The following STOX2 variants were observed in gnomAD, a reference collection of about 807,000 sequenced individuals.
The protein encoded by STOX2 is storkhead box 2, also known as storkhead-box protein 2.
STOX2 carries 28 observed loss-of-function variants against 60.9 expected under a neutral mutation model. That is an observed-to-expected ratio of 0.46 (90% CI 0.34 to 0.63). The LOEUF (loss-of-function observed/expected upper bound fraction) is 0.63. Ranked by LOEUF, STOX2 falls within the 30% of genes least tolerant of loss-of-function variation. STOX2 has a pLI of 0.01. For missense variants in STOX2, 1,024 were observed against 1,187.7 expected (o/e 0.86, Z 2.03); for synonymous variants, 472 against 463.9 (o/e 1.02, Z -0.22).
intron 1 of STOX2, among the ~76,000 whole-genome samples, chr4:183,956,438 T>TCATC (rs1491561035): frequency 8.1e-6 from 1 of 123,630 alleles, no homozygotes; most frequent in Non-Finnish European, 1.7e-5. Flanking sequence ...ATTCTATCAT[T>TCATC]CATCTATCTA....
In STOX2 at chr4:184,022,402, T is replaced by G. The variant is rs1180017090; in HGVS notation, c.*5118T>G. 6.6e-6 allele frequency: 1 copy of G among 152,094 alleles called. No individual in the cohort carries two copies. Among genetic ancestry groups the G allele is most frequent in the African/African-American group, 2.4e-5 (1 of 41,386 alleles). 9.4% of individuals were successfully genotyped at this position (152,094 alleles called of 1,614,324 possible). ...ACACACAGTCCTGTGATTTTACAGTTCTATGACTTACAGTTGATGATTCAC... is the reference window on the plus strand; with the variant it reads ...ACACACAGTCCTGTGATTTTACAGTGCTATGACTTACAGTTGATGATTCAC... On this transcript the variant is annotated 3_prime_UTR_variant, in exon 4 of 4. Coordinates refer to ENST00000308497, the MANE Select transcript of STOX2 (RefSeq NM_020225.3).
upstream of STOX2, among the ~76,000 whole-genome samples, chr4:183,903,443 C>T (rs1296936759): frequency 6.6e-6 from 1 of 152,176 alleles, no homozygotes. Context: ...GATTATTGTT[C>T]TTCATAGAAC....
At chr4:183,950,941 C>G (rs571319613) in intron 1 of STOX2, among the ~76,000 whole-genome samples, 9 of 152,094 alleles carry the variant, frequency 5.9e-5, no homozygotes, top group African/African-American at 2.2e-4. Context: ...TGCGGCCGGG[C>G]GCGGTGGCTC....
intron 1 of STOX2, among the ~76,000 whole-genome samples, chr4:183,921,772 A>G (rs1742105178): frequency 6.6e-6 from 1 of 152,222 alleles, no homozygotes; most frequent in South Asian, 2.1e-4. Flanking sequence ...CTTTTAAACA[A>G]TATATAATAG....
At chr4:183,992,445 A>T (rs908813222) in intron 1 of STOX2, among the ~76,000 whole-genome samples, 1 of 152,234 alleles carries the variant, frequency 6.6e-6, no homozygotes, top group South Asian at 2.1e-4. Flanking sequence ...TCATCAGTGG[A>T]AACTGGAGCA....
rs145883173 is a variant in STOX2 at position 183,996,534 on chromosome 4, G to A, written c.167-4791G>A. On this transcript the variant is annotated intron_variant, in intron 1 of 3. Transcript: ENST00000308497. Reference sequence around the variant, plus strand: ...TTCTTTGAATAAATAAATGTGGTCCGGTAGTTGGAAGAATTTTCTAGTAGC... The same window carrying A: ...TTCTTTGAATAAATAAATGTGGTCCAGTAGTTGGAAGAATTTTCTAGTAGC... Among the ~76,000 whole-genome samples the A allele has an allele frequency of 6.8e-3, 1,042 of 152,184 alleles. 5 individuals carry two copies. Among genetic ancestry groups the A allele is most frequent in the South Asian group, 0.018 (86 of 4,824 alleles).
At chr4:183,886,032 T>C (rs951411129) in intron 1 of STOX2, among the ~76,000 whole-genome samples, 11 of 151,604 alleles carry the variant, frequency 7.3e-5, no homozygotes, top group African/African-American at 2.7e-4. Flanking sequence ...GTTCAGATGG[T>C]TGCTGGATGG....
chr4:183,896,006 C>T (rs1741332247), intron 1 of STOX2, among the ~76,000 whole-genome samples: 1 of 152,108 alleles, frequency 6.6e-6, no homozygotes, highest in Admixed American at 6.5e-5. Context: ...ATGAGAGTTT[C>T]CAGAAGGCCA....
intron 1 of STOX2, among the ~76,000 whole-genome samples, chr4:183,938,717 C>G (rs1453783667): frequency 6.6e-6 from 1 of 150,520 alleles, no homozygotes; most frequent in Non-Finnish European, 1.5e-5. Flanking sequence ...CCAAAGTTCA[C>G]TCTTTCAAAT....
At chr4:183,808,978 G>C (rs991424864) in intron 1 of STOX2, among the ~76,000 whole-genome samples, 22 of 152,208 alleles carry the variant, frequency 1.4e-4, no homozygotes, top group African/African-American at 5.3e-4. Flanking sequence ...TGTTTTTCTA[G>C]GGGTAGTGAT....
At chr4:183,982,535 C>A (rs1732693509) in intron 1 of STOX2, among the ~76,000 whole-genome samples, 1 of 152,198 alleles carries the variant, frequency 6.6e-6, no homozygotes, top group African/African-American at 2.4e-5. Context: ...AAAGTATAAT[C>A]TGTTATTGGT....
At chr4:183,802,258 A>C (rs559349815) in intron 1 of STOX2, among the ~76,000 whole-genome samples, 3 of 152,368 alleles carry the variant, frequency 2.0e-5, no homozygotes, top group Non-Finnish European at 4.4e-5. Context: ...TTGCATTATA[A>C]AATTGTTTAG....
intron 1 of STOX2, among the ~76,000 whole-genome samples, chr4:183,945,571 A>C (rs1407131860): frequency 2.6e-5 from 4 of 152,234 alleles, no homozygotes; most frequent in Non-Finnish European, 4.4e-5. Context: ...GTAGGCCTGC[A>C]TTTAAAAATT....
chr4:183,829,610 G>A (rs1242101497), intron 1 of STOX2, among the ~76,000 whole-genome samples: 2 of 152,136 alleles, frequency 1.3e-5, no homozygotes, highest in East Asian at 3.9e-4. Flanking sequence ...TAAATTTCTT[G>A]TGAAAATCAG....
rs568065675 is a variant in STOX2 at position 184,007,416 on chromosome 4, G to A, written c.320-1742G>A. 4.5e-4 allele frequency among the ~76,000 whole-genome samples: 68 copies of A among 152,266 alleles called. 1 individual carries two copies. The highest frequency in any genetic ancestry group is 1.5e-3 in the African/African-American group (61 of 41,534). On this transcript the variant is annotated intron_variant, in intron 2 of 3. Transcript: ENST00000308497. ...GGCAATCTGGTTTTCCGTGGGTCCC[G>A]ACCCAAAGTGGAGACTAACTCCCAG...
In STOX2 at chr4:184,007,025, A is replaced by AC. The variant is rs1410849419; in HGVS notation, c.320-2133_320-2132insC. Among the ~76,000 whole-genome samples the AC allele has an allele frequency of 4.0e-4, 52 of 129,196 alleles. 4 individuals carry two copies. Among genetic ancestry groups the AC allele is most frequent in the Non-Finnish European group, 7.2e-4 (46 of 63,548 alleles). 84.8% of individuals were successfully genotyped at this position (129,196 alleles called of 152,430 possible). ...AGCGAGACTCTGTCTCAAAAAAAAA[A>AC]AAAAAAACAAAACAAAAAAAAAATT... is the stretch of plus-strand genomic sequence containing the variant. On this transcript the variant is annotated intron_variant, in intron 2 of 3. Coordinates refer to ENST00000308497, the MANE Select transcript of STOX2 (RefSeq NM_020225.3).
chr4:183,916,362 G>A (rs1211016476), intron 1 of STOX2, among the ~76,000 whole-genome samples: 7 of 152,214 alleles, frequency 4.6e-5, no homozygotes, highest in Non-Finnish European at 7.3e-5. Flanking sequence ...GTGATTTAGA[G>A]CAGAGATGCG....
At chr4:183,974,602 C>T (rs1732384156) in intron 1 of STOX2, among the ~76,000 whole-genome samples, 1 of 151,690 alleles carries the variant, frequency 6.6e-6, no homozygotes, top group African/African-American at 2.4e-5. Context: ...AGAAAAATTA[C>T]CAGGGATAAA....
chr4:183,942,370 T>A (rs1171138313), intron 1 of STOX2, among the ~76,000 whole-genome samples: 1 of 148,498 alleles, frequency 6.7e-6, no homozygotes, highest in African/African-American at 2.5e-5. Context: ...AAACCAAGGT[T>A]AAAAAAAACA....
Sources: gnomAD v4.1 joint callset for allele counts (sites outside exome capture counted in the v4.1 genomes callset) on GRCh38, gnomAD v4.1.1 for gene constraint, MANE v1.5 for transcripts, NCBI Gene and HGNC (gene_info 2026-07-23, HGNC 2026-07-21) for gene names.